The following ABCA10 variants were observed in gnomAD, a reference collection of about 807,000 sequenced individuals.
The protein encoded by ABCA10 is ATP binding cassette subfamily A member 10.
In ABCA10, 169 loss-of-function variants were observed where a neutral mutation model predicts 187.5. That is an observed-to-expected ratio of 0.90 (90% CI 0.80 to 1.02). The LOEUF (loss-of-function observed/expected upper bound fraction) is 1.02, where lower values mean the gene tolerates loss of function less well. Among genes scored for constraint, ABCA10 ranks in the 50% least tolerant of loss-of-function variants. The pLI, the probability that ABCA10 is intolerant of heterozygous loss-of-function variation, is 0.00. For missense variants in ABCA10, 1,727 were observed against 1,812.4 expected (o/e 0.95, Z 0.86); for synonymous variants, 574 against 601.8 (o/e 0.95, Z 0.68).
Position 69,193,745 on chromosome 17 carries a change from T to A in ABCA10, c.1521+69A>T. 5 of 1,576,012 alleles carry A rather than the reference T, an allele frequency of 3.2e-6. No homozygotes were observed. The Admixed American group carries it at 7.7e-5, about 24-fold the overall frequency. On this transcript the variant is annotated intron_variant, in intron 13 of 38. Transcript: ENST00000690296. ...ACCTATCAAAGAGTAGAGTAATAGCTGAACAAAAAAAATATATAGTCAAAA... is the reference window on the plus strand; with the variant it reads ...ACCTATCAAAGAGTAGAGTAATAGCAGAACAAAAAAAATATATAGTCAAAA...
At chr17:69,171,085 AGAGTCTTCG>A (rs2074294577) in intron 25 of ABCA10, among the ~76,000 whole-genome samples, 1 of 152,216 alleles carries the variant, frequency 6.6e-6, no homozygotes, top group Non-Finnish European at 1.5e-5. Flanking sequence ...TCCCTAATAC[AGAGTCTTCG>A]GAGTTCCACA....
At chr17:69,157,835 T>C (rs1017749699) in intron 27 of ABCA10, among the ~76,000 whole-genome samples, 14 of 151,840 alleles carry the variant, frequency 9.2e-5, no homozygotes, top group African/African-American at 1.9e-4. Flanking sequence ...TTTTAGATGA[T>C]TGAAGACATA....
intron 10 of ABCA10, 93 bp from the exon 11 acceptor site, chr17:69,197,215 A>T: frequency 1.0e-6 from 1 of 993,810 alleles, no homozygotes; most frequent in Non-Finnish European, 1.5e-6. Flanking sequence ...CTTCACAGTA[A>T]AGGGTATCAC....
chr17:69,212,355 G>A (rs1568070865), intron 9 of ABCA10, among the ~76,000 whole-genome samples: 1 of 152,000 alleles, frequency 6.6e-6, no homozygotes, highest in Non-Finnish European at 1.5e-5. Flanking sequence ...TTGATATAAT[G>A]TTGATTTATT....
chr17:69,193,655 T>TTTAAGGAG (rs1162770483), intron 13 of ABCA10, 43 bp from the exon 14 acceptor site: 3 of 1,560,554 alleles, frequency 1.9e-6, no homozygotes, highest in Non-Finnish European at 2.6e-6. Flanking sequence ...AATATTTTAC[T>TTTAAGGAG]TTAAGGAGTT....
chr17:69,236,266 A>T (rs2144865394), intron 1 of ABCA10, among the ~76,000 whole-genome samples: 1 of 152,316 alleles, frequency 6.6e-6, no homozygotes, highest in South Asian at 2.1e-4. Context: ...CAGGCTTGTA[A>T]ATCCCCCCTG....
At chr17:69,151,251 T>C (rs1429669400) in intron 36 of ABCA10, among the ~76,000 whole-genome samples, 2 of 152,202 alleles carry the variant, frequency 1.3e-5, no homozygotes, top group Non-Finnish European at 2.9e-5. Context: ...GGAAACAGTG[T>C]CTGTTACTCC....
At chr17:69,167,378 G>C (rs2074261562) in intron 25 of ABCA10, among the ~76,000 whole-genome samples, 1 of 152,170 alleles carries the variant, frequency 6.6e-6, no homozygotes, top group South Asian at 2.1e-4. Context: ...TTCCACCATT[G>C]GAGATGCCAT....
intron 37 of ABCA10, among the ~76,000 whole-genome samples, chr17:69,149,569 T>G (rs1264365968): frequency 1.3e-5 from 2 of 152,164 alleles, no homozygotes; most frequent in African/African-American, 4.8e-5. Context: ...CACTCAGTCC[T>G]CCAACTGTTG....
rs2144804749 is a variant in ABCA10 at position 69,193,119 on chromosome 17, T to C, written c.1771A>G (p.Ile591Val). 1.2e-6 allele frequency: 2 copies of C among 1,606,858 alleles called. No individual in the cohort carries two copies. Among genetic ancestry groups the C allele is most frequent in the African/African-American group, 2.7e-5 (2 of 74,624 alleles). The change falls in exon 15 of 39, where the codon ATC becomes GTC. Residue 591 changes from isoleucine (I) to valine (V), a missense_variant. By Grantham distance (29) the Ile-to-Val change is conservative. Coordinates refer to ENST00000690296, the MANE Select transcript of ABCA10 (RefSeq NM_001377321.1). ...AGAAGCCAAGAATCACCAGCCAAGA[T>C]GTCAGCCTCATCCATGAATTGGGTA... ...FSTQFMDEAD[I>V]LADRKVFLSN...
intron 1 of ABCA10, among the ~76,000 whole-genome samples, chr17:69,235,874 A>G (rs2074866573): frequency 1.3e-5 from 2 of 152,230 alleles, no homozygotes; most frequent in African/African-American, 2.4e-5. Context: ...TCAGTGTAAA[A>G]TTCATTGTCC....
At position 69,222,634 on chromosome 17, in the gene ABCA10, T is replaced by C. The variant is rs1169176337; in HGVS notation, c.98A>G (p.His33Arg). The C allele has an allele frequency of 1.2e-6, 2 of 1,601,612 alleles. No homozygotes were observed. Among genetic ancestry groups the C allele is most frequent in the Non-Finnish European group, 1.7e-6 (2 of 1,177,288 alleles). The change falls in exon 4 of 39, where the codon CAT becomes CGT. Residue 33 changes from histidine (H) to arginine (R), a missense_variant. Physicochemically the swap from His to Arg is conservative, Grantham distance 29. Coordinates refer to ENST00000690296, the MANE Select transcript of ABCA10 (RefSeq NM_001377321.1). ...TMDIELPKKY[H>R]EMVGVIFSDT... The stretch of plus-strand genomic sequence containing the variant: ...ACTAAATATAACTCCCACCATTTCA[T>C]GGTATTTTTTTGGAAGTTCTATATC...
chr17:69,228,046 C>T (rs1320773565), intron 1 of ABCA10, among the ~76,000 whole-genome samples: 1 of 151,880 alleles, frequency 6.6e-6, no homozygotes, highest in Non-Finnish European at 1.5e-5. Flanking sequence ...TTACAATGTT[C>T]AGAGAGAACT....
chr17:69,225,424 C>T lies in ABCA10; in HGVS notation c.-66G>A, dbSNP rs1005981291. The stretch of plus-strand genomic sequence containing the variant: ...ACCAGGCCAGAGTCATTAAACTGAT[C>T]CACGCTTCCCAGGACTTTAGGAGGT... On this transcript the variant is annotated 5_prime_UTR_variant, in exon 3 of 39. Coordinates refer to ENST00000690296, the MANE Select transcript of ABCA10 (RefSeq NM_001377321.1). 1 of 1,555,060 alleles carries T rather than the reference C, an allele frequency of 6.4e-7. No homozygotes were observed. Among genetic ancestry groups the T allele is most frequent in the African/African-American group, 1.4e-5 (1 of 73,380 alleles).
chr17:69,182,649 A>G, intron 21 of ABCA10, 26 bp downstream of exon 21: 2 of 1,545,002 alleles, frequency 1.3e-6, no homozygotes, highest in Non-Finnish European at 1.7e-6. Context: ...AAACCAAAAA[A>G]AAACAGTGCA....
upstream of ABCA10, chr17:69,233,646 T>G (rs11871771): frequency 6.6e-6 from 1 of 152,054 alleles, no homozygotes; most frequent in South Asian, 2.1e-4. Flanking sequence ...TGTCTGCACA[T>G]TGACGGATTA....
At chr17:69,238,658 T>G (rs1286947601) in intron 1 of ABCA10, among the ~76,000 whole-genome samples, 2 of 152,222 alleles carry the variant, frequency 1.3e-5, no homozygotes, top group African/African-American at 4.8e-5. Flanking sequence ...TTGGGCATTC[T>G]GTTTTCTCCA....
chr17:69,183,869 A>G (rs1459929680), intron 20 of ABCA10, among the ~76,000 whole-genome samples: 2 of 152,114 alleles, frequency 1.3e-5, no homozygotes, highest in African/African-American at 4.8e-5. Context: ...ATCTTGGGGA[A>G]GGAATGATCA....
chr17:69,159,494 A>G (rs2074198980), intron 27 of ABCA10, among the ~76,000 whole-genome samples: 1 of 152,180 alleles, frequency 6.6e-6, no homozygotes, highest in Non-Finnish European at 1.5e-5. Context: ...ATCCATATCT[A>G]GACACATCAG....
Sources: gnomAD v4.1 joint callset for allele counts (sites outside exome capture counted in the v4.1 genomes callset) on GRCh38, gnomAD v4.1.1 for gene constraint, MANE v1.5 for transcripts, NCBI Gene and HGNC (gene_info 2026-07-23, HGNC 2026-07-21) for gene names.